Variants in ETV7 observed in about 807,000 individuals in gnomAD.
ETV7 encodes the protein ETS variant transcription factor 7.
In ETV7, 43 loss-of-function variants were observed where a neutral mutation model predicts 39.1. The observed-to-expected ratio is 1.10, with a 90% CI of 0.86 to 1.42. The LOEUF is 1.42. Ranked by LOEUF, ETV7 falls within the 40% of genes most tolerant of loss-of-function variation. The pLI, the probability that ETV7 is intolerant of heterozygous loss-of-function variation, is 0.00. For missense variants in ETV7, 432 were observed against 442.3 expected, an observed-to-expected ratio of 0.98 and a Z score of 0.21; for synonymous variants, 196 against 176.6, an observed-to-expected ratio of 1.11 and a Z score of -0.87.
chr6:36,362,423 A>G (rs1561898908), downstream of ETV7, among the ~76,000 whole-genome samples: 1 of 152,136 alleles, frequency 6.6e-6, no homozygotes, highest in Non-Finnish European at 1.5e-5. Context: ...AGATCACAAC[A>G]CTGCACTCCA....
downstream of ETV7, among the ~76,000 whole-genome samples, chr6:36,363,383 T>G (rs1772586799): frequency 6.6e-6 from 1 of 151,860 alleles, no homozygotes; most frequent in Non-Finnish European, 1.5e-5. Flanking sequence ...TTCCTCCCCG[T>G]GGGCTCATGG....
In ETV7 at chr6:36,385,426, T is replaced by C; in HGVS notation, c.142+108A>G. 3 of 1,387,732 alleles carry C rather than the reference T, an allele frequency of 2.2e-6. No homozygotes were observed. Among genetic ancestry groups the C allele is most frequent in the Non-Finnish European group, 3.0e-6 (3 of 993,068 alleles). The allele number at this position is 1,387,732 out of a possible 1,614,324, so 86.0% of individuals were successfully genotyped here. On this transcript the variant is annotated intron_variant, in intron 2 of 7. Coordinates refer to ENST00000340181, the MANE Select transcript of ETV7 (RefSeq NM_016135.4). The stretch of plus-strand genomic sequence containing the variant: ...AGTTGAAGGTGCAGTGAGCTATGAT[T>C]ACACCACTGCACTCTAGCCTAAGTA...
At chr6:36,364,084 T>G (rs1772623936), downstream of ETV7, among the ~76,000 whole-genome samples, 2 of 152,212 alleles carry the variant, frequency 1.3e-5, no homozygotes, top group Non-Finnish European at 2.9e-5. Flanking sequence ...AGATACAGAG[T>G]GCCGATTGGT....
intron 2 of ETV7, among the ~76,000 whole-genome samples, chr6:36,376,968 CA>C (rs1165468627): frequency 6.6e-6 from 1 of 152,076 alleles, no homozygotes; most frequent in East Asian, 1.9e-4. Context: ...GCCCAGGGGA[CA>C]AAGGGAGCCT....
At chr6:36,362,600 G>A (rs1319056771), downstream of ETV7, among the ~76,000 whole-genome samples, 1 of 152,214 alleles carries the variant, frequency 6.6e-6, no homozygotes. Context: ...CTCAATTGAT[G>A]TTTGTAGAAG....
intron 7 of ETV7, among the ~76,000 whole-genome samples, chr6:36,360,590 G>A (rs60863504): frequency 0.05 from 7,670 of 152,134 alleles, 368 homozygotes; most frequent in East Asian, 0.15. Context: ...ACATCTCCCC[G>A]TGAGAGAAGG....
chr6:36,366,120 G>C, downstream of ETV7: 1 of 901,164 alleles, frequency 1.1e-6, no homozygotes, highest in Non-Finnish European at 1.3e-6. Context: ...GTTGCAGTGA[G>C]CCGAGATCGT....
intron 1 of ETV7, chr6:36,386,962 C>T (rs775098650): frequency 6.1e-6 from 1 of 164,168 alleles, no homozygotes; most frequent in Non-Finnish European, 1.3e-5. Context: ...GAGGCTGTAA[C>T]TGCCTGGGAA....
intron 1 of ETV7, chr6:36,386,958 G>C (rs751877081): frequency 4.2e-5 from 7 of 165,764 alleles, no homozygotes; most frequent in Non-Finnish European, 8.0e-5. Context: ...TTCCGAGGCT[G>C]TAACTGCCTG....
chr6:36,371,810 G>T (rs968319406), intron 4 of ETV7, among the ~76,000 whole-genome samples: 2 of 152,250 alleles, frequency 1.3e-5, no homozygotes, highest in Admixed American at 1.3e-4. Context: ...GAAAATGGCT[G>T]CAAAGCCAAG....
chr6:36,364,951 CCAGA>C (rs1772665078), downstream of ETV7, among the ~76,000 whole-genome samples: 1 of 152,170 alleles, frequency 6.6e-6, no homozygotes, highest in Non-Finnish European at 1.5e-5. Flanking sequence ...ATCGAGGGTC[CCAGA>C]TAGGACTAAG....
downstream of ETV7, among the ~76,000 whole-genome samples, chr6:36,364,407 C>T (rs1048114774): frequency 3.9e-5 from 6 of 152,238 alleles, no homozygotes; most frequent in African/African-American, 7.2e-5. Context: ...GGTGAGAAAT[C>T]GAGCGCAGCG....
chr6:36,360,832 G>C (rs949254314), intron 7 of ETV7, among the ~76,000 whole-genome samples: 1 of 152,144 alleles, frequency 6.6e-6, no homozygotes, highest in Non-Finnish European at 1.5e-5. Flanking sequence ...AAGGGAAGTT[G>C]GAAAAAGAGA....
intron 4 of ETV7, among the ~76,000 whole-genome samples, 162 bp from the exon 5 acceptor site, chr6:36,371,722 G>A (rs1023206606): frequency 1.2e-4 from 18 of 152,198 alleles, no homozygotes; most frequent in African/African-American, 4.3e-4. Context: ...GGGGGCAGTG[G>A]GTGAGGGCCA....
At chr6:36,362,569 G>C (rs1355980567), downstream of ETV7, among the ~76,000 whole-genome samples, 1 of 152,162 alleles carries the variant, frequency 6.6e-6, no homozygotes, top group African/African-American at 2.4e-5. Flanking sequence ...GCCTCACCTG[G>C]TGCCCGGTAC....
At chr6:36,387,109 G>A (rs1773944787) in intron 1 of ETV7, among the ~76,000 whole-genome samples, 1 of 152,176 alleles carries the variant, frequency 6.6e-6, no homozygotes, top group Non-Finnish European at 1.5e-5. Context: ...CGCCAGCTCT[G>A]GGGGCAGTCT....
chr6:36,371,303 T>A, intron 5 of ETV7, 27 bp downstream of exon 5: 10 of 1,554,982 alleles, frequency 6.4e-6, no homozygotes, highest in Non-Finnish European at 8.7e-6. Context: ...GCACCTTCCA[T>A]GGCCAGAGGA....
chr6:36,380,128 G>T (rs1404714813), intron 2 of ETV7, among the ~76,000 whole-genome samples: 2 of 152,122 alleles, frequency 1.3e-5, no homozygotes, highest in Non-Finnish European at 2.9e-5. Flanking sequence ...TGTCAATTAG[G>T]TAATACACGT....
intron 2 of ETV7, among the ~76,000 whole-genome samples, chr6:36,376,815 T>C (rs893274799): frequency 1.3e-5 from 2 of 150,980 alleles, no homozygotes; most frequent in Non-Finnish European, 2.9e-5. Flanking sequence ...TGTTATTGTT[T>C]CCCAAATGAG....
Sources: gnomAD v4.1 joint callset for allele counts (sites outside exome capture counted in the v4.1 genomes callset) on GRCh38, gnomAD v4.1.1 for gene constraint, MANE v1.5 for transcripts, NCBI Gene and HGNC (gene_info 2026-07-23, HGNC 2026-07-21) for gene names.